CDK6: variants seen among roughly 807,000 people sequenced by gnomAD.
CDK6 encodes cyclin dependent kinase 6.
CDK6 carries 6 observed loss-of-function variants against 37.1 expected under a neutral mutation model. That is an observed-to-expected ratio of 0.16 (90% CI 0.09 to 0.32). CDK6 has a LOEUF of 0.32. Among genes scored for constraint, CDK6 ranks in the 10% least tolerant of loss-of-function variants. The pLI, the probability that CDK6 is intolerant of heterozygous loss-of-function variation, is 1.00. For missense variants in CDK6, 224 were observed against 418.9 expected, an observed-to-expected ratio of 0.53 and a Z score of 4.06; for synonymous variants, 160 against 161.3, an observed-to-expected ratio of 0.99 and a Z score of 0.06.
intron 4 of CDK6, among the ~76,000 whole-genome samples, chr7:92,672,190 T>TACAC (rs71107866): frequency 0.1 from 6,472 of 62,130 alleles, 546 homozygotes; most frequent in Admixed American, 0.13. Flanking sequence ...CACAGACACA[T>TACAC]ACACACACAC....
chr7:92,691,468 A>T (rs1797598273), intron 4 of CDK6, among the ~76,000 whole-genome samples: 2 of 152,246 alleles, frequency 1.3e-5, no homozygotes, highest in Admixed American at 1.3e-4. Context: ...GCATGCCAGA[A>T]TTTCTTAATT....
chr7:92,631,252 G>A lies in CDK6; in HGVS notation c.648-8166C>T, dbSNP rs992668722. Among the ~76,000 whole-genome samples the A allele has an allele frequency of 2.6e-4, 40 of 152,120 alleles. 1 individual carries two copies. Among genetic ancestry groups the A allele is most frequent in the Non-Finnish European group, 7.4e-5 (5 of 68,020 alleles). On this transcript the variant is annotated intron_variant, in intron 5 of 7. Coordinates refer to ENST00000424848, the MANE Select transcript of CDK6 (RefSeq NM_001145306.2). Reference sequence around the variant, plus strand: ...TTGTCCCAGTGTCAGTACTGAAAATGCTGTGTCCTGGGAAACCTCTCTGTC... The same window carrying A: ...TTGTCCCAGTGTCAGTACTGAAAATACTGTGTCCTGGGAAACCTCTCTGTC...
In CDK6 at chr7:92,833,300, G is replaced by C. The variant is rs374890145; in HGVS notation, c.24C>G (p.Arg8=). 2 of 1,602,310 alleles carry C rather than the reference G, an allele frequency of 1.2e-6. No homozygotes were observed. The highest frequency in any genetic ancestry group is 1.7e-6 in the Non-Finnish European group (2 of 1,176,318). ...CCACGCATTCGTACTGCTGGTCAGC[G>C]CGGCACAGGCCGTCCTTCTCCATGC... MEKDGLC[R]ADQQYECVAE... The change falls in exon 2 of 8, where the codon CGC becomes CGG. Residue 8 remains arginine (R), a synonymous_variant. Coordinates refer to ENST00000424848, the MANE Select transcript of CDK6 (RefSeq NM_001145306.2). The surrounding 1 kb of genome is among the most constrained non-coding windows in gnomAD (Gnocchi z 6.1).
rs575871253 is a variant in CDK6 at position 92,717,656 on chromosome 7, G to A, written c.537+7970C>T. Among the ~76,000 whole-genome samples the A allele has an allele frequency of 2.6e-5, 4 of 152,316 alleles. No individual in the cohort carries two copies. In the South Asian group the frequency reaches 6.2e-4, roughly 24 times the overall value. The stretch of plus-strand genomic sequence containing the variant: ...CGAGTAAAACATCCTCCAGGCAGTA[G>A]CATTACAGTTGAACTGTTTTTGTCC... On this transcript the variant is annotated intron_variant, in intron 4 of 7. Transcript: ENST00000424848.
chr7:92,782,107 G>A (rs1800007644), intron 2 of CDK6, among the ~76,000 whole-genome samples: 1 of 152,052 alleles, frequency 6.6e-6, no homozygotes. Flanking sequence ...CCATGTGCAG[G>A]CACTATACTC....
intron 3 of CDK6, among the ~76,000 whole-genome samples, chr7:92,753,048 A>G (rs1183305453): frequency 6.6e-6 from 1 of 152,142 alleles, no homozygotes; most frequent in Non-Finnish European, 1.5e-5. Flanking sequence ...GAAACAACCT[A>G]CTTTATGGTG....
chr7:92,669,966 G>A lies in CDK6; in HGVS notation c.647+1460C>T, dbSNP rs145902510. 2.0e-3 allele frequency among the ~76,000 whole-genome samples: 311 copies of A among 152,334 alleles called. 2 individuals carry two copies. The highest frequency in any genetic ancestry group is 6.8e-3 in the African/African-American group (282 of 41,574). The stretch of plus-strand genomic sequence containing the variant: ...TTCCAGCAAGGTGCCTGGTGATGCT[G>A]AGGTTCCTGGTTCAGGGACCATACT... On this transcript the variant is annotated intron_variant, in intron 5 of 7. Coordinates refer to ENST00000424848, the MANE Select transcript of CDK6 (RefSeq NM_001145306.2).
At chr7:92,740,285 T>C (rs1798889195) in intron 3 of CDK6, among the ~76,000 whole-genome samples, 1 of 152,206 alleles carries the variant, frequency 6.6e-6, no homozygotes, top group Non-Finnish European at 1.5e-5. Context: ...TTTCCTGGAA[T>C]GCTTGCTCCA....
intron 3 of CDK6, among the ~76,000 whole-genome samples, chr7:92,744,134 T>C (rs1798999160): frequency 6.6e-6 from 1 of 152,202 alleles, no homozygotes; most frequent in Non-Finnish European, 1.5e-5. Flanking sequence ...AGATGTTTCA[T>C]GGACTGGCAC....
At chr7:92,761,698 A>G (rs1799460671) in intron 3 of CDK6, among the ~76,000 whole-genome samples, 1 of 152,222 alleles carries the variant, frequency 6.6e-6, no homozygotes, top group Non-Finnish European at 1.5e-5. Flanking sequence ...CATGAACCAT[A>G]TGTTAATTAT....
intron 2 of CDK6, among the ~76,000 whole-genome samples, chr7:92,791,728 C>T (rs1229641842): frequency 6.6e-6 from 1 of 152,150 alleles, no homozygotes; most frequent in Non-Finnish European, 1.5e-5. Flanking sequence ...AGCTGAGTCT[C>T]ATAGGACAGT....
chr7:92,833,202 G>A lies in CDK6; in HGVS notation c.122C>T (p.Ala41Val). The A allele has an allele frequency of 6.2e-7, 1 of 1,610,006 alleles. No individual in the cohort carries two copies. The highest frequency in any genetic ancestry group is 8.5e-7 in the Non-Finnish European group (1 of 1,178,820). Residue 41 changes from alanine (A) to valine (V), a missense_variant, in exon 2 of 8, where the codon GCG becomes GTG. This residue lies in a region of CDK6 where 13 missense variants were observed against 43.8 expected (regional missense o/e 0.30). Coordinates refer to ENST00000424848, the MANE Select transcript of CDK6 (RefSeq NM_001145306.2). The surrounding 1 kb of genome is among the most constrained non-coding windows in gnomAD (Gnocchi z 6.1). The stretch of plus-strand genomic sequence containing the variant: ...GGTCTGCACCCGCACGCGCTTCAAC[G>A]CCACGAAACGGCCTCCGTTCTTCAA... ...RDLKNGGRFV[A>V]LKRVRVQTGE...
At chr7:92,622,914 C>A in intron 6 of CDK6, 122 bp downstream of exon 6, 1 of 657,290 alleles carries the variant, frequency 1.5e-6, no homozygotes, top group South Asian at 1.9e-5. Context: ...GTAACACTGT[C>A]TGCAGCAGCT....
chr7:92,796,087 GGA>G (rs199769952), intron 2 of CDK6, among the ~76,000 whole-genome samples: 1,458 of 129,888 alleles, frequency 0.011, 32 homozygotes, highest in African/African-American at 0.043. Context: ...AAATTAACTT[GGA>G]GAAAAAAAAA....
chr7:92,638,270 T>C (rs959009339), intron 5 of CDK6, among the ~76,000 whole-genome samples: 2 of 152,222 alleles, frequency 1.3e-5, no homozygotes, highest in African/African-American at 4.8e-5. Context: ...TTTCAAAAGA[T>C]GAACCTGGAA....
Position 92,833,484 on chromosome 7 carries a change from C to A in CDK6, c.-161G>T. 3.5e-6 allele frequency: 2 copies of A among 575,942 alleles called. No homozygotes were observed. The highest frequency in any genetic ancestry group is 6.0e-6 in the Non-Finnish European group (2 of 333,922). The allele number at this position is 575,942 out of a possible 1,614,324, so 35.7% of individuals were successfully genotyped here. ...CGCTCGGGCGCTGGGGCTTTCGCCG[C>A]TGCAGAAGCTGGATGGAGAGACCTC... On this transcript the variant is annotated 5_prime_UTR_variant, in exon 2 of 8. Coordinates refer to ENST00000424848, the MANE Select transcript of CDK6 (RefSeq NM_001145306.2). This position sits in a 1 kb window ranked among gnomAD's most constrained non-coding sequence, Gnocchi z 6.1.
chr7:92,679,415 T>C (rs535296082), intron 4 of CDK6, among the ~76,000 whole-genome samples: 151 of 152,340 alleles, frequency 9.9e-4, no homozygotes, highest in Non-Finnish European at 1.9e-3. Context: ...GGTTTAGTAA[T>C]TACTTATGGA....
chr7:92,727,160 C>T (rs1289915700), intron 3 of CDK6, among the ~76,000 whole-genome samples: 2 of 152,152 alleles, frequency 1.3e-5, no homozygotes, highest in African/African-American at 2.4e-5. Flanking sequence ...GAGTGACCTA[C>T]TCCCCTGACC....
intron 3 of CDK6, among the ~76,000 whole-genome samples, chr7:92,764,922 G>A (rs993245483): frequency 2.6e-5 from 4 of 152,046 alleles, no homozygotes; most frequent in African/African-American, 9.7e-5. Flanking sequence ...TGACAATATT[G>A]CAAATTGTTG....
Sources: gnomAD v4.1 joint callset for allele counts (sites outside exome capture counted in the v4.1 genomes callset) on GRCh38, gnomAD v4.1.1 for gene constraint, gnomAD v4.1.1 regional missense constraint, Gnocchi (gnomAD v3.1) non-coding constraint, MANE v1.5 for transcripts, NCBI Gene and HGNC (gene_info 2026-07-23, HGNC 2026-07-21) for gene names.